Variants in AGBL4 observed in about 807,000 individuals in gnomAD.
The protein encoded by AGBL4 is AGBL carboxypeptidase 4, also known as cytosolic carboxypeptidase 6.
Under a neutral mutation model 66.4 loss-of-function variants are expected in AGBL4, and 58 were observed. That is an observed-to-expected ratio of 0.87 (90% CI 0.71 to 1.09). AGBL4 has a LOEUF of 1.09. AGBL4 is among the 50% of genes least tolerant of loss of function. The pLI is 0.00. For missense variants in AGBL4, 579 were observed against 631.0 expected, an observed-to-expected ratio of 0.92 and a Z score of 0.88; for synonymous variants, 234 against 222.9, an observed-to-expected ratio of 1.05 and a Z score of -0.44.
intron 4 of AGBL4, among the ~76,000 whole-genome samples, chr1:49,199,245 CCT>C (rs1430464324): frequency 6.6e-6 from 1 of 152,140 alleles, no homozygotes; most frequent in African/African-American, 2.4e-5. Flanking sequence ...CAGAGTTGAA[CCT>C]ATAGTTGTTT....
chr1:48,651,963 C>T (rs1453282612), intron 8 of AGBL4, among the ~76,000 whole-genome samples: 2 of 152,216 alleles, frequency 1.3e-5, no homozygotes, highest in Non-Finnish European at 2.9e-5. Context: ...ATGAGGGACA[C>T]AAAGGCCATT....
intron 1 of AGBL4, among the ~76,000 whole-genome samples, chr1:49,889,870 G>A (rs1467982626): frequency 1.3e-5 from 2 of 152,154 alleles, no homozygotes; most frequent in Non-Finnish European, 2.9e-5. Context: ...AAATAGAATA[G>A]ATAAGTTATA....
chr1:48,708,428 G>A (rs915268196), intron 6 of AGBL4, among the ~76,000 whole-genome samples: 2 of 152,168 alleles, frequency 1.3e-5, no homozygotes, highest in Non-Finnish European at 2.9e-5. Flanking sequence ...ACAAGGCAGG[G>A]ATGTGGGAGG....
chr1:49,479,379 G>A (rs904537023), intron 3 of AGBL4, among the ~76,000 whole-genome samples: 1 of 151,798 alleles, frequency 6.6e-6, no homozygotes, highest in Non-Finnish European at 1.5e-5. Flanking sequence ...TGGGGGGTTG[G>A]TCATAAAAAT....
At chr1:48,776,539 C>T (rs12073598) in intron 6 of AGBL4, 74,456 of 1,195,168 alleles carry the variant, frequency 0.062, 3,267 homozygotes, top group East Asian at 0.15. Flanking sequence ...CCGCCCGGGC[C>T]CCCGGCCCCT....
At chr1:49,282,546 G>T (rs996571393) in intron 3 of AGBL4, among the ~76,000 whole-genome samples, 1 of 152,198 alleles carries the variant, frequency 6.6e-6, no homozygotes, top group Non-Finnish European at 1.5e-5. Context: ...AACAGCTCCG[G>T]TCTACAGCTC....
intron 9 of AGBL4, among the ~76,000 whole-genome samples, chr1:48,628,670 C>G (rs1258842143): frequency 6.6e-6 from 1 of 152,090 alleles, no homozygotes. Flanking sequence ...AGGTCTTCCA[C>G]CTCCATTCCA....
intron 1 of AGBL4, among the ~76,000 whole-genome samples, chr1:49,858,967 G>GACTGCGCC (rs56311455): frequency 0.91 from 138,296 of 151,598 alleles, 63,352 homozygotes; most frequent in African/African-American, 0.98. Flanking sequence ...AGCGAGCTGA[G>GACTGCGCC]ACTGCACTCC....
intron 6 of AGBL4, among the ~76,000 whole-genome samples, chr1:48,832,540 A>G (rs1401379457): frequency 6.6e-6 from 1 of 152,156 alleles, no homozygotes; most frequent in Non-Finnish European, 1.5e-5. Context: ...TGGGTAGCTC[A>G]GAGCCTGGCA....
At chr1:49,008,158 C>G (rs6624657) in intron 5 of AGBL4, among the ~76,000 whole-genome samples, 83,184 of 150,906 alleles carry the variant, frequency 0.55, 23,510 homozygotes, top group Non-Finnish European at 0.61. Flanking sequence ...CACACATAGG[C>G]TCAAAATAAA....
chr1:49,128,774 C>T (rs1050553737), intron 4 of AGBL4, among the ~76,000 whole-genome samples: 1 of 151,642 alleles, frequency 6.6e-6, no homozygotes, highest in African/African-American at 2.4e-5. Context: ...TGGAAGAACA[C>T]ATAGGAAACA....
At chr1:48,884,390 AC>A (rs1434091592) in intron 5 of AGBL4, among the ~76,000 whole-genome samples, 1 of 105,546 alleles carries the variant, frequency 9.5e-6, no homozygotes, top group Non-Finnish European at 2.6e-5. Flanking sequence ...GAGAGCCTGG[AC>A]TTTTTTTTTT....
intron 3 of AGBL4, among the ~76,000 whole-genome samples, chr1:49,294,266 C>T (rs1234570999): frequency 6.6e-6 from 1 of 152,140 alleles, no homozygotes; most frequent in African/African-American, 2.4e-5. Context: ...AAATGCTTAT[C>T]TTTAGTTTGG....
chr1:49,614,922 G>A (rs976082082), intron 3 of AGBL4, among the ~76,000 whole-genome samples: 2 of 152,022 alleles, frequency 1.3e-5, no homozygotes, highest in Admixed American at 6.6e-5. Flanking sequence ...TCCTAGTAAG[G>A]TCTGGCACAA....
chr1:48,978,844 A>G (rs1251103586), intron 5 of AGBL4, among the ~76,000 whole-genome samples: 1 of 152,184 alleles, frequency 6.6e-6, no homozygotes, highest in Non-Finnish European at 1.5e-5. Context: ...ATTAATTAAT[A>G]GCTGCAATGT....
At chr1:49,617,027 G>C (rs1231327357) in intron 3 of AGBL4, among the ~76,000 whole-genome samples, 1 of 151,996 alleles carries the variant, frequency 6.6e-6, no homozygotes, top group Non-Finnish European at 1.5e-5. Context: ...AAATCAGATG[G>C]TGCCACTCCA....
intron 4 of AGBL4, among the ~76,000 whole-genome samples, chr1:49,050,531 T>C (rs1378962147): frequency 6.6e-6 from 1 of 152,126 alleles, no homozygotes; most frequent in Admixed American, 6.6e-5. Flanking sequence ...AATATATATA[T>C]ACATTGTACT....
intron 4 of AGBL4, among the ~76,000 whole-genome samples, chr1:49,191,726 TC>T (rs2148208450): frequency 6.6e-6 from 1 of 152,320 alleles, no homozygotes; most frequent in South Asian, 2.1e-4. Context: ...GTTTTTCTGT[TC>T]CTGCATTAAT....
intron 3 of AGBL4, among the ~76,000 whole-genome samples, chr1:49,408,806 T>C (rs1007162071): frequency 1.3e-5 from 2 of 152,122 alleles, no homozygotes; most frequent in African/African-American, 4.8e-5. Context: ...GGGACACAGA[T>C]TGGCTTCCTT....
Sources: gnomAD v4.1 joint callset for allele counts (sites outside exome capture counted in the v4.1 genomes callset) on GRCh38, gnomAD v4.1.1 for gene constraint, MANE v1.5 for transcripts, NCBI Gene and HGNC (gene_info 2026-07-23, HGNC 2026-07-21) for gene names.